The following IDO1 variants were observed in gnomAD, a reference collection of about 807,000 sequenced individuals.
IDO1 encodes the protein indolamine 2,3 dioxygenase.
In IDO1, 35 loss-of-function variants were observed where a neutral mutation model predicts 38.8. That is an observed-to-expected ratio of 0.90 (90% CI 0.69 to 1.20). IDO1 has a LOEUF of 1.20. IDO1 is among the 50% of genes most tolerant of loss of function. The pLI, the probability that IDO1 is intolerant of heterozygous loss-of-function variation, is 0.00. For synonymous variants in IDO1, 171 were observed against 170.0 expected, an observed-to-expected ratio of 1.01 and a Z score of -0.05; for missense variants, 509 against 485.1, an observed-to-expected ratio of 1.05 and a Z score of -0.46.
chr8:39,918,208 G>A lies in IDO1; in HGVS notation c.303+1G>A, dbSNP rs1307924795. ...CAAAGGTCATGGAGATGTCCGTAAG[G>A]TTTGGAGATTTTCTCAGATTTCTTA... On this transcript the variant is annotated splice_donor_variant, in intron 3 of 9. Coordinates refer to ENST00000518237, the MANE Select transcript of IDO1 (RefSeq NM_002164.6). LOFTEE classifies it high-confidence loss of function. 1.2e-6 allele frequency: 2 copies of A among 1,603,298 alleles called. No individual in the cohort carries two copies. Among genetic ancestry groups the A allele is most frequent in the African/African-American group, 1.3e-5 (1 of 74,740 alleles).
intron 2 of IDO1, 55 bp downstream of exon 2, chr8:39,918,025 T>C: frequency 6.2e-7 from 1 of 1,611,418 alleles, no homozygotes; most frequent in Non-Finnish European, 8.5e-7. Context: ...CATTGTTAAC[T>C]TGGTTTTGAA....
Position 39,914,761 on chromosome 8 carries a change from TTTA to T in IDO1, c.87+770_87+772del, listed in dbSNP as rs548964161. Among the ~76,000 whole-genome samples, 1,497 of 151,750 alleles carry T rather than the reference TTTA, an allele frequency of 9.9e-3. 24 individuals carry two copies. The highest frequency in any genetic ancestry group is 0.033 in the African/African-American group (1,384 of 41,430). On this transcript the variant is annotated intron_variant, in intron 1 of 9. Coordinates refer to ENST00000518237, the MANE Select transcript of IDO1 (RefSeq NM_002164.6). Reference sequence around the variant, plus strand: ...TCCCAAAAGTTATGTATGTTATTTATTTATTATTATTATTATTATTTTGAGATG... The same window carrying T: ...TCCCAAAAGTTATGTATGTTATTTATTTATTATTATTATTATTTTGAGATG...
Position 39,924,769 on chromosome 8 carries a change from C to CATA in IDO1, c.704_705insATA (p.Ser235_Gly236insTyr). 1 of 1,605,770 alleles carries CATA rather than the reference C, an allele frequency of 6.2e-7. No individual in the cohort carries two copies. The highest frequency in any genetic ancestry group is 8.5e-7 in the Non-Finnish European group (1 of 1,173,354). ...TTCAGTGTTCTTCGCATATATTTGT[C>CATA]TGGGTATGTAGTCTTATGTTTGAAT... On this transcript the variant is annotated inframe_insertion, in exon 8 of 10. Coordinates refer to ENST00000518237, the MANE Select transcript of IDO1 (RefSeq NM_002164.6).
rs539988422 is a variant in IDO1, at chr8:39,928,672, G to A, written c.*487G>A. Among the ~76,000 whole-genome samples, 1 of 151,010 alleles carries A rather than the reference G, an allele frequency of 6.6e-6. No homozygotes were observed. Among genetic ancestry groups the A allele is most frequent in the African/African-American group, 2.4e-5 (1 of 41,120 alleles). ...GGCGTGAACCTGGGAGGCGGAGCTT[G>A]CAGTGAGCCAAGATTGTGCCACTGC... On this transcript the variant is annotated 3_prime_UTR_variant, in exon 10 of 10. Coordinates refer to ENST00000518237, the MANE Select transcript of IDO1 (RefSeq NM_002164.6).
chr8:39,921,810 G>C (rs1220229705), intron 5 of IDO1, among the ~76,000 whole-genome samples: 1 of 152,134 alleles, frequency 6.6e-6, no homozygotes, highest in African/African-American at 2.4e-5. Flanking sequence ...CCTTTGTAAA[G>C]CATATAAACC....
chr8:39,919,756 C>G (rs561877276), intron 4 of IDO1, among the ~76,000 whole-genome samples: 1 of 152,274 alleles, frequency 6.6e-6, no homozygotes, highest in African/African-American at 2.4e-5. Flanking sequence ...AGGAGGATCA[C>G]TTCAGCCCAA....
At chr8:39,918,530 G>A (rs1563415023) in intron 3 of IDO1, 1 of 460,040 alleles carries the variant, frequency 2.2e-6, no homozygotes, top group East Asian at 4.1e-5. Flanking sequence ...AGGATCACCT[G>A]AGGTCAGGAG....
intron 7 of IDO1, among the ~76,000 whole-genome samples, chr8:39,924,347 T>C (rs1379956947): frequency 1.3e-5 from 2 of 152,156 alleles, no homozygotes; most frequent in Admixed American, 6.5e-5. Context: ...AGTGATGAAG[T>C]GAGACCCTGT....
chr8:39,918,280 A>G, intron 3 of IDO1, 73 bp downstream of exon 3: 1 of 1,533,208 alleles, frequency 6.5e-7, no homozygotes. Flanking sequence ...CTTTCCAAAA[A>G]TTTTCTAAAA....
At chr8:39,917,753 G>T in intron 1 of IDO1, 122 bp from the exon 2 acceptor site, 1 of 652,308 alleles carries the variant, frequency 1.5e-6, no homozygotes, top group Non-Finnish European at 2.7e-6. Context: ...TTTCCAGACA[G>T]GTAAGCCATA....
chr8:39,914,242 A>T, intron 1 of IDO1: 1 of 382,394 alleles, frequency 2.6e-6, no homozygotes, highest in East Asian at 4.6e-5. Flanking sequence ...GGATACGGAG[A>T]GTGGTGAGAA....
In IDO1 at chr8:39,918,831, T is replaced by C. The variant is rs4463407; in HGVS notation, c.320T>C (p.Ile107Thr). Residue 107 changes from isoleucine (I) to threonine (T), a missense_variant, in exon 4 of 10, where the codon ATT (isoleucine) becomes ACT (threonine). Physicochemically the swap from Ile to Thr is moderately conservative, Grantham distance 89. Coordinates refer to ENST00000518237, the MANE Select transcript of IDO1 (RefSeq NM_002164.6). The part of the protein sequence containing the change: ...GDVRKVLPRN[I>T]AVPYCQLSKK... ...TTTAATCAGGTCTTGCCAAGAAATA[T>C]TGCTGTTCCTTACTGCCAACTCTCC... 1 of 1,607,296 alleles carries C rather than the reference T, an allele frequency of 6.2e-7. No homozygotes were observed.
intron 7 of IDO1, 73 bp downstream of exon 7, chr8:39,923,659 G>A: frequency 4.7e-6 from 4 of 851,782 alleles, no homozygotes; most frequent in Admixed American, 5.1e-5. Flanking sequence ...GTTGAAAAAA[G>A]GGAAGCAAAA....
At chr8:39,920,180 C>T in intron 5 of IDO1, 66 bp downstream of exon 5, 1 of 1,234,818 alleles carries the variant, frequency 8.1e-7, no homozygotes, top group Non-Finnish European at 1.2e-6. Flanking sequence ...GTAGGTTTAT[C>T]AATAGACTCC....
chr8:39,919,736 G>T (rs1203523501), intron 4 of IDO1, among the ~76,000 whole-genome samples: 1 of 152,104 alleles, frequency 6.6e-6, no homozygotes, highest in Non-Finnish European at 1.5e-5. Context: ...GCTACACAGG[G>T]AGTTAAGGCA....
chr8:39,927,048 G>C (rs961197913), intron 9 of IDO1, among the ~76,000 whole-genome samples: 1 of 152,066 alleles, frequency 6.6e-6, no homozygotes, highest in Non-Finnish European at 1.5e-5. Context: ...CTTTTTCATG[G>C]CTGTGTAGTA....
Position 39,923,320 on chromosome 8 carries a change from C to T in IDO1, c.538-149C>T, listed in dbSNP as rs1294962432. ...TCAGGAGGCTGAGGCAGGAGAATGG[C>T]GTGAACCCGGGAGGCAGAGCTTGCA... On this transcript the variant is annotated intron_variant, in intron 6 of 9. Coordinates refer to ENST00000518237, the MANE Select transcript of IDO1 (RefSeq NM_002164.6). The T allele has an allele frequency of 1.6e-5, 8 of 497,144 alleles. 1 individual carries two copies. The highest frequency in any genetic ancestry group is 8.5e-5 in the South Asian group (4 of 47,172). The allele number at this position is 497,144 out of a possible 1,614,324, so 30.8% of individuals were successfully genotyped here.
rs1054779899 is a variant in IDO1, at chr8:39,923,697, T to C, written c.655+111T>C. ...CAACTATCACTTAGTATGTTTTCAC[T>C]TTAGGTATTTTATCTTACTAAACCA... On this transcript the variant is annotated intron_variant, in intron 7 of 9. Coordinates refer to ENST00000518237, the MANE Select transcript of IDO1 (RefSeq NM_002164.6). 1.8e-4 allele frequency: 108 copies of C among 603,880 alleles called. No homozygotes were observed. In the East Asian group the frequency reaches 3.0e-3, roughly 17 times the overall value. The allele number at this position is 603,880 out of a possible 1,614,324, so 37.4% of individuals were successfully genotyped here. A position where few individuals can be genotyped will look rare whatever the true frequency, so the allele number is the denominator to read the frequency against.
intron 7 of IDO1, among the ~76,000 whole-genome samples, chr8:39,924,207 A>C (rs1430617992): frequency 3.3e-5 from 5 of 152,066 alleles, no homozygotes. Context: ...TTTCAAATCA[A>C]GTAGGGTAGG....
Sources: allele counts gnomAD v4.1 joint callset (sites outside exome capture counted in the v4.1 genomes callset), GRCh38; gene constraint gnomAD v4.1.1; transcripts MANE v1.5; gene names NCBI Gene and HGNC (gene_info 2026-07-23, HGNC 2026-07-21).